The following STAM variants were observed in gnomAD, a reference collection of about 807,000 sequenced individuals.
The protein encoded by STAM is signal transducing adapter molecule 1.
In STAM, 16 loss-of-function variants were observed where a neutral mutation model predicts 63.4. The ratio of observed to expected loss-of-function variants is 0.25; its 90% CI spans 0.17 to 0.38. The LOEUF (loss-of-function observed/expected upper bound fraction) is 0.38, where lower values mean the gene tolerates loss of function less well. Ranked by LOEUF, STAM falls within the 10% of genes least tolerant of loss-of-function variation. The probability of loss-of-function intolerance (pLI) is 1.00; values close to 1 mark genes in which losing one functional copy is unlikely to be tolerated. For synonymous variants in STAM, 238 were observed against 223.9 expected, an observed-to-expected ratio of 1.06 and a Z score of -0.56; for missense variants, 636 against 657.1, an observed-to-expected ratio of 0.97 and a Z score of 0.35.
At chr10:17,673,832 C>T (rs544084563) in intron 2 of STAM, among the ~76,000 whole-genome samples, 1 of 152,358 alleles carries the variant, frequency 6.6e-6, no homozygotes, top group East Asian at 1.9e-4. Context: ...ATTAGTGTTA[C>T]AACTATTATC....
At chr10:17,659,690 C>T (rs1168191041) in intron 1 of STAM, among the ~76,000 whole-genome samples, 1 of 151,798 alleles carries the variant, frequency 6.6e-6, no homozygotes, top group East Asian at 1.9e-4. Context: ...CTCCAATTCC[C>T]ATCCTCAAGT....
intron 1 of STAM, among the ~76,000 whole-genome samples, chr10:17,658,354 G>A (rs1474703971): frequency 6.6e-6 from 1 of 152,112 alleles, no homozygotes; most frequent in Non-Finnish European, 1.5e-5. Flanking sequence ...GACCCAGAAG[G>A]TGGTCTGTCT....
intron 2 of STAM, among the ~76,000 whole-genome samples, chr10:17,666,387 A>ATTTTTTTTTTTTTTTTTTTT (rs10673746): frequency 4.7e-5 from 4 of 85,916 alleles, no homozygotes; most frequent in African/African-American, 2.0e-4. Flanking sequence ...TTGGCTTTGT[A>ATTTTTTTTTTTTTTTTTTTT]TTTTTTTTTT....
chr10:17,677,204 C>T (rs1834892415), intron 2 of STAM, among the ~76,000 whole-genome samples: 2 of 152,058 alleles, frequency 1.3e-5, no homozygotes, highest in African/African-American at 4.8e-5. Context: ...GGTAAAACAA[C>T]ATAGGAATGT....
At chr10:17,670,057 G>A (rs1834573995) in intron 2 of STAM, among the ~76,000 whole-genome samples, 1 of 151,876 alleles carries the variant, frequency 6.6e-6, no homozygotes, top group South Asian at 2.1e-4. Context: ...AAGGGTAGAC[G>A]GGATTATAGC....
chr10:17,695,268 T>A, intron 7 of STAM, 27 bp downstream of exon 7: 1 of 1,595,256 alleles, frequency 6.3e-7, no homozygotes, highest in African/African-American at 1.3e-5. Flanking sequence ...ATTTAAAATT[T>A]GTATGAAAGT....
intron 2 of STAM, among the ~76,000 whole-genome samples, chr10:17,675,641 A>T (rs1174926372): frequency 6.6e-6 from 1 of 152,242 alleles, no homozygotes; most frequent in Non-Finnish European, 1.5e-5. Flanking sequence ...TTTAGAAAAA[A>T]ACACTAGGCT....
rs1324093685 is a variant in STAM, at chr10:17,714,756, A to G, written c.1599A>G (p.Pro533=). 6.2e-7 allele frequency: 1 copy of G among 1,614,034 alleles called. No homozygotes were observed. Among genetic ancestry groups the G allele is most frequent in the Non-Finnish European group, 8.5e-7 (1 of 1,180,000 alleles). The part of the protein sequence containing the change: ...GSQQPPQPQQ[P]YSQKALL ...AACAGCCACCTCAGCCACAGCAACC[A>G]TATTCTCAGAAGGCTCTGCTATAGG... Residue 533 remains proline (P), a synonymous_variant, in exon 14 of 14, where the codon CCA becomes CCG. Coordinates refer to ENST00000377524, the MANE Select transcript of STAM (RefSeq NM_003473.4).
intron 13 of STAM, 117 bp downstream of exon 13, chr10:17,709,068 C>A: frequency 7.9e-7 from 1 of 1,259,922 alleles, no homozygotes; most frequent in Non-Finnish European, 1.1e-6. Context: ...CGTCATGCGG[C>A]CGCCCCATTT....
chr10:17,700,074 CT>C, intron 8 of STAM, 116 bp from the exon 9 acceptor site: 1 of 711,660 alleles, frequency 1.4e-6, no homozygotes, highest in Non-Finnish European at 2.2e-6. Context: ...TAAATTGCGC[CT>C]TTTAGCTTGC....
chr10:17,657,598 T>C (rs2131576906), intron 1 of STAM, among the ~76,000 whole-genome samples: 1 of 152,338 alleles, frequency 6.6e-6, no homozygotes, highest in South Asian at 2.1e-4. Context: ...GGGCCTGTGC[T>C]TTCTGTTTTA....
chr10:17,714,726 C>T lies in STAM; in HGVS notation c.1569C>T (p.Gly523=). The T allele has an allele frequency of 6.2e-7, 1 of 1,614,136 alleles. No individual in the cohort carries two copies. The highest frequency in any genetic ancestry group is 1.6e-4 in the Middle Eastern group (1 of 6,062). Residue 523 remains glycine, a synonymous_variant, in exon 14 of 14, where the codon GGC becomes GGT. Coordinates refer to ENST00000377524, the MANE Select transcript of STAM (RefSeq NM_003473.4). ...LTSSTLPQPG[G]SQQPPQPQQP... is the part of the protein sequence containing the mutation. ...CATCAACTCTGCCTCAGCCCGGAGG[C>T]AGCCAACAGCCACCTCAGCCACAGC...
intron 12 of STAM, 50 bp from the exon 13 acceptor site, chr10:17,708,726 T>G (rs781901289): frequency 1.3e-6 from 2 of 1,523,636 alleles, no homozygotes; most frequent in East Asian, 4.6e-5. Context: ...AAGTTCAGTA[T>G]GCTTATTAAA....
Position 17,704,507 on chromosome 10 carries a change from T to C in STAM, c.989T>C (p.Leu330Pro). The change falls in exon 10 of 14, where the codon CTT becomes CCT. Residue 330 changes from leucine (L) to proline (P), a missense_variant. By Grantham distance (98) the Leu-to-Pro change is moderately conservative. Coordinates refer to ENST00000377524, the MANE Select transcript of STAM (RefSeq NM_003473.4). ...SDDQPDLPEL[L>P]HLEAMCHQMG... ...GATCAGCCAGACCTACCAGAGCTGCTTCATCTTGAAGGTAAAACTTTTCTA... is the reference window on the plus strand; with the variant it reads ...GATCAGCCAGACCTACCAGAGCTGCCTCATCTTGAAGGTAAAACTTTTCTA... 1 of 1,614,046 alleles carries C rather than the reference T, an allele frequency of 6.2e-7. No individual in the cohort carries two copies. The highest frequency in any genetic ancestry group is 8.5e-7 in the Non-Finnish European group (1 of 1,179,928).
rs1406060745 is a variant in STAM at position 17,695,663 on chromosome 10, T to G, written c.728+422T>G. ...AATTTATTTTGTATGGAATTACACA[T>G]TTATTCAGGAGGTGATACAGTGCAT... On this transcript the variant is annotated intron_variant, in intron 7 of 13. Transcript: ENST00000377524. 5 of 153,462 alleles carry G rather than the reference T, an allele frequency of 3.3e-5. No homozygotes were observed. The Admixed American group carries it at 3.3e-4, about 10-fold the overall frequency. The allele number at this position is 153,462 out of a possible 1,614,324, so 9.5% of individuals were successfully genotyped here.
Position 17,660,538 on chromosome 10 carries a change from T to A in STAM, c.115T>A (p.Ser39Thr). 1 of 1,599,564 alleles carries A rather than the reference T, an allele frequency of 6.3e-7. No homozygotes were observed. The highest frequency in any genetic ancestry group is 8.5e-7 in the Non-Finnish European group (1 of 1,172,764). ...ILDICDKVGQ[S>T]RTGPKDCLRS... ...GGATATCTGTGATAAAGTTGGTCAG[T>A]CTCGCACTGGGTAAGTATTTAGCGT... The change falls in exon 2 of 14, where the codon TCT (serine) becomes ACT (threonine). Residue 39 changes from serine to threonine, a missense_variant. By Grantham distance (58) the Ser-to-Thr change is moderately conservative. Around this residue, in one of 3 missense-constraint regions of STAM, gnomAD observed 87 missense variants for 80.3 expected, o/e 1.08. Transcript: ENST00000377524.
intron 1 of STAM, among the ~76,000 whole-genome samples, chr10:17,654,624 G>A (rs993497406): frequency 1.3e-5 from 2 of 152,144 alleles, no homozygotes; most frequent in Non-Finnish European, 2.9e-5. Context: ...CTTAGACTGA[G>A]AGCATGGTTA....
chr10:17,654,732 C>T (rs1833873300), intron 1 of STAM, among the ~76,000 whole-genome samples: 1 of 152,110 alleles, frequency 6.6e-6, no homozygotes, highest in African/African-American at 2.4e-5. Context: ...GCTAGTTCTC[C>T]TCTTTTCCCT....
chr10:17,709,833 C>T (rs1236342213), intron 13 of STAM, among the ~76,000 whole-genome samples: 3 of 149,126 alleles, frequency 2.0e-5, no homozygotes, highest in Non-Finnish European at 3.0e-5. Flanking sequence ...AAGCATTATT[C>T]GGTTGTCAGA....
Sources: allele counts gnomAD v4.1 joint callset (sites outside exome capture counted in the v4.1 genomes callset), GRCh38; gene constraint gnomAD v4.1.1; regional missense constraint gnomAD v4.1.1; transcripts MANE v1.5; gene names NCBI Gene and HGNC (gene_info 2026-07-23, HGNC 2026-07-21).